The following CWC27 variants were observed in gnomAD, a reference collection of about 807,000 sequenced individuals.
CWC27 encodes spliceosome-associated protein CWC27 homolog.
Under a neutral mutation model 63.6 loss-of-function variants are expected in CWC27, and 47 were observed. The ratio of observed to expected loss-of-function variants is 0.74; its 90% CI spans 0.58 to 0.94. The LOEUF is 0.94. Ranked by LOEUF, CWC27 falls within the 40% of genes least tolerant of loss-of-function variation. CWC27 has a pLI of 0.00. For missense variants in CWC27, 495 were observed against 554.3 expected, an observed-to-expected ratio of 0.89 and a Z score of 1.07; for synonymous variants, 175 against 179.8, an observed-to-expected ratio of 0.97 and a Z score of 0.22.
intron 13 of CWC27, among the ~76,000 whole-genome samples, chr5:64,982,630 A>G (rs1749349479): frequency 6.6e-6 from 1 of 152,030 alleles, no homozygotes; most frequent in Non-Finnish European, 1.5e-5. Flanking sequence ...CCAACAGGAC[A>G]TTGTCAAGCA....
chr5:64,973,496 T>C (rs903721510), intron 12 of CWC27, among the ~76,000 whole-genome samples: 8 of 152,208 alleles, frequency 5.3e-5, no homozygotes, highest in African/African-American at 1.7e-4. Context: ...CTGGAAGTAG[T>C]TGGCCATTCG....
chr5:64,962,351 A>G (rs1748927973), intron 11 of CWC27, among the ~76,000 whole-genome samples: 1 of 152,228 alleles, frequency 6.6e-6, no homozygotes, highest in Non-Finnish European at 1.5e-5. Context: ...AGTACCAGAA[A>G]CAAAAGGAAG....
intron 13 of CWC27, among the ~76,000 whole-genome samples, chr5:64,995,983 T>C (rs1228517159): frequency 1.3e-5 from 2 of 152,212 alleles, no homozygotes; most frequent in South Asian, 2.1e-4. Flanking sequence ...AATTAGTTTT[T>C]AGACAAACCC....
intron 3 of CWC27, 64 bp downstream of exon 3, chr5:64,782,097 G>A: frequency 2.3e-6 from 2 of 867,946 alleles, no homozygotes; most frequent in Non-Finnish European, 3.5e-6. Context: ...AGTCAGTTTG[G>A]ATTGCTTAAT....
chr5:64,942,909 G>C (rs1748514403), intron 11 of CWC27, among the ~76,000 whole-genome samples: 1 of 152,180 alleles, frequency 6.6e-6, no homozygotes, highest in African/African-American at 2.4e-5. Context: ...GTTGTGTGGT[G>C]AAGAGGCTCA....
intron 13 of CWC27, among the ~76,000 whole-genome samples, chr5:64,998,368 A>G (rs1378852241): frequency 6.6e-6 from 1 of 152,118 alleles, no homozygotes; most frequent in Non-Finnish European, 1.5e-5. Flanking sequence ...AGGTGTAAGA[A>G]TGCATATTAC....
intron 13 of CWC27, among the ~76,000 whole-genome samples, chr5:64,994,010 GT>G (rs1373455979): frequency 6.6e-6 from 1 of 152,090 alleles, no homozygotes; most frequent in Non-Finnish European, 1.5e-5. Context: ...TTTAAAGGTA[GT>G]TTTAAACAAT....
chr5:64,831,475 G>GAT (rs1745515942), intron 10 of CWC27, among the ~76,000 whole-genome samples: 2 of 148,208 alleles, frequency 1.3e-5, no homozygotes, highest in African/African-American at 2.5e-5. Flanking sequence ...TTATTTATTT[G>GAT]AGATAGATAG....
intron 10 of CWC27, among the ~76,000 whole-genome samples, chr5:64,836,480 C>T (rs2112272053): frequency 6.6e-6 from 1 of 152,074 alleles, no homozygotes; most frequent in South Asian, 2.1e-4. Context: ...ATTCTTGGAA[C>T]TGCATGGAGA....
intron 7 of CWC27, among the ~76,000 whole-genome samples, chr5:64,794,214 G>A (rs1744177788): frequency 6.6e-6 from 1 of 152,060 alleles, no homozygotes; most frequent in Non-Finnish European, 1.5e-5. Context: ...AAAGCAAATT[G>A]TGAGACTCTC....
chr5:65,014,661 C>T (rs995620332), intron 13 of CWC27, among the ~76,000 whole-genome samples: 31 of 152,130 alleles, frequency 2.0e-4, no homozygotes, highest in Admixed American at 9.2e-4. Context: ...AAATTGAGTC[C>T]GTATTCTAAA....
intron 10 of CWC27, among the ~76,000 whole-genome samples, chr5:64,805,290 C>T (rs1744627438): frequency 1.3e-5 from 2 of 151,288 alleles, no homozygotes; most frequent in African/African-American, 4.8e-5. Context: ...TAGGAGTCAT[C>T]TTAAATGTCT....
intron 10 of CWC27, among the ~76,000 whole-genome samples, chr5:64,858,366 G>T (rs1488221219): frequency 6.7e-6 from 1 of 149,628 alleles, no homozygotes; most frequent in Non-Finnish European, 1.5e-5. Context: ...GGAGGCTGAG[G>T]CAGGAGAATG....
intron 12 of CWC27, among the ~76,000 whole-genome samples, chr5:64,973,623 T>G (rs756794315): frequency 3.9e-5 from 6 of 152,334 alleles, no homozygotes; most frequent in Middle Eastern, 3.4e-3. Context: ...TTTTGTGATT[T>G]TTTTCTGCCC....
intron 11 of CWC27, among the ~76,000 whole-genome samples, chr5:64,964,195 C>G (rs1017510122): frequency 6.6e-6 from 1 of 152,118 alleles, no homozygotes. Flanking sequence ...GAAAAAATTA[C>G]CAAATCAATC....
chr5:64,909,909 C>T (rs894145439), intron 11 of CWC27, among the ~76,000 whole-genome samples: 6 of 152,152 alleles, frequency 3.9e-5, no homozygotes, highest in African/African-American at 9.7e-5. Flanking sequence ...TTATTACCGA[C>T]CTTCTGAAGC....
At chr5:64,923,553 A>G (rs995536843) in intron 11 of CWC27, among the ~76,000 whole-genome samples, 11 of 147,758 alleles carry the variant, frequency 7.4e-5, no homozygotes, top group African/African-American at 2.8e-4. Context: ...TGTGTGGACT[A>G]TGCTAGTTTA....
intron 11 of CWC27, among the ~76,000 whole-genome samples, chr5:64,904,752 C>T (rs1747587002): frequency 1.3e-5 from 2 of 152,202 alleles, no homozygotes; most frequent in South Asian, 4.1e-4. Flanking sequence ...AGTTCCAAAA[C>T]GGACTGATAA....
chr5:64,769,413 C>T (rs1743158630), intron 1 of CWC27, among the ~76,000 whole-genome samples: 1 of 152,152 alleles, frequency 6.6e-6, no homozygotes, highest in East Asian at 1.9e-4. Flanking sequence ...ACCAGCATTC[C>T]GGTCCTATTT....
Sources: gnomAD v4.1 joint callset for allele counts (sites outside exome capture counted in the v4.1 genomes callset) on GRCh38, gnomAD v4.1.1 for gene constraint, MANE v1.5 for transcripts, NCBI Gene and HGNC (gene_info 2026-07-23, HGNC 2026-07-21) for gene names.